ACSM3: variants seen among roughly 807,000 people sequenced by gnomAD.
ACSM3 encodes acyl-CoA synthetase medium chain family member 3.
A neutral mutation model predicts 74.1 loss-of-function variants in ACSM3; 61 were observed. The ratio of observed to expected loss-of-function variants is 0.82; its 90% CI spans 0.67 to 1.02. ACSM3 has a LOEUF of 1.02. Among genes scored for constraint, ACSM3 ranks in the 50% least tolerant of loss-of-function variants. ACSM3 has a pLI of 0.00. For missense variants in ACSM3, 660 were observed against 697.0 expected, an observed-to-expected ratio of 0.95 and a Z score of 0.60; for synonymous variants, 213 against 241.5, an observed-to-expected ratio of 0.88 and a Z score of 1.09.
At position 20,777,371 on chromosome 16, in the gene ACSM3, A is replaced by C. The variant is rs2080267706; in HGVS notation, c.431-2A>C. 6.2e-7 allele frequency: 1 copy of C among 1,612,818 alleles called. No homozygotes were observed. On this transcript the variant is annotated splice_acceptor_variant, in intron 3 of 13. Transcript: ENST00000289416. LOFTEE classifies it high-confidence loss of function. ...AACACTGTTTCTTTTCTGCCCCTTT[A>C]GGGACAGTTTTAATTCCAGGAACCA...
intron 1 of ACSM3, among the ~76,000 whole-genome samples, chr16:20,685,726 A>C (rs961876109): frequency 1.3e-5 from 2 of 149,946 alleles, no homozygotes; most frequent in African/African-American, 4.9e-5. Context: ...AGGCTGAGGT[A>C]GGAGAATTGC....
intron 9 of ACSM3, 63 bp downstream of exon 9, chr16:20,786,221 C>G (rs920264492): frequency 6.4e-7 from 1 of 1,560,730 alleles, no homozygotes; most frequent in South Asian, 1.2e-5. Flanking sequence ...CTACCTACCG[C>G]TTACCCCCAT....
chr16:20,791,273 G>A (rs533701490), intron 10 of ACSM3, among the ~76,000 whole-genome samples: 1 of 152,190 alleles, frequency 6.6e-6, no homozygotes, highest in African/African-American at 2.4e-5. Context: ...TTCTATTATT[G>A]TGTAAAACAA....
At chr16:20,792,838 G>A (rs2080632155) in intron 12 of ACSM3, 2 of 487,426 alleles carry the variant, frequency 4.1e-6, no homozygotes, top group South Asian at 8.8e-5. Context: ...GAATAACACA[G>A]GTGTCCTGAA....
At chr16:20,691,751 ATGTGTGTGTGTG>A (rs59929923) in intron 1 of ACSM3, among the ~76,000 whole-genome samples, 3,797 of 134,050 alleles carry the variant, frequency 0.028, 57 homozygotes, top group African/African-American at 0.034. Context: ...TACCTCTCCA[ATGTGTGTGTGTG>A]TGTGTGTGTG....
At chr16:20,721,109 C>T (rs1435433248) in intron 1 of ACSM3, 1 of 152,194 alleles carries the variant, frequency 6.6e-6, no homozygotes, top group Non-Finnish European at 1.5e-5. Context: ...ATGATGAGGT[C>T]TTTGGAGTAG....
intron 1 of ACSM3, among the ~76,000 whole-genome samples, chr16:20,693,620 C>G (rs1407711509): frequency 6.6e-6 from 1 of 152,168 alleles, no homozygotes; most frequent in Non-Finnish European, 1.5e-5. Context: ...TTTATTTCAA[C>G]TTGTTGTCAA....
chr16:20,694,368 G>A (rs2079678731), intron 1 of ACSM3, among the ~76,000 whole-genome samples: 1 of 152,180 alleles, frequency 6.6e-6, no homozygotes, highest in African/African-American at 2.4e-5. Context: ...GCCTTGCTGA[G>A]TAAATTAAAT....
intron 1 of ACSM3, chr16:20,682,377 T>C: frequency 6.2e-7 from 1 of 1,613,960 alleles, no homozygotes. Context: ...GCATCTATGG[T>C]CACAATGCCC....
chr16:20,753,904 A>G (rs1009499836), intron 2 of ACSM3, among the ~76,000 whole-genome samples: 1 of 152,102 alleles, frequency 6.6e-6, no homozygotes, highest in African/African-American at 2.4e-5. Context: ...GAAAGAAAAG[A>G]ATGAAAGAAA....
At chr16:20,683,661 T>TTTTTG (rs2079491151) in intron 1 of ACSM3, among the ~76,000 whole-genome samples, 1 of 137,302 alleles carries the variant, frequency 7.3e-6, no homozygotes, top group African/African-American at 2.6e-5. Context: ...TTTTTTTTTT[T>TTTTTG]GAGAGTCTTG....
At chr16:20,760,707 A>G (rs2080069909), upstream of ACSM3, among the ~76,000 whole-genome samples, 1 of 152,204 alleles carries the variant, frequency 6.6e-6, no homozygotes, top group South Asian at 2.1e-4. Flanking sequence ...TAACTTAAGT[A>G]TAACTCAAGT....
chr16:20,703,950 T>C (rs1009023387), intron 1 of ACSM3: 2 of 152,224 alleles, frequency 1.3e-5, no homozygotes, highest in Admixed American at 6.5e-5. Flanking sequence ...AAAGAGATAA[T>C]ATATACAAAC....
At chr16:20,731,650 T>C in intron 1 of ACSM3, 1 of 378,784 alleles carries the variant, frequency 2.6e-6, no homozygotes, top group Non-Finnish European at 4.8e-6. Context: ...CTTAGCTCCA[T>C]CCTGTAAGTC....
chr16:20,765,972 G>A (rs190979867), intron 1 of ACSM3, among the ~76,000 whole-genome samples: 356 of 152,240 alleles, frequency 2.3e-3, no homozygotes, highest in African/African-American at 8.2e-3. Flanking sequence ...ATGAGAGCAA[G>A]GAGGACCTTG....
intron 4 of ACSM3, among the ~76,000 whole-genome samples, chr16:20,778,319 T>C (rs572602602): frequency 5.3e-5 from 8 of 152,322 alleles, no homozygotes; most frequent in African/African-American, 1.7e-4. Context: ...GCAAAGTCCT[T>C]CTCTAGAATG....
rs2080740298 is a variant in ACSM3, at chr16:20,797,234, G to A, written c.*262G>A. 2 of 1,141,468 alleles carry A rather than the reference G, an allele frequency of 1.8e-6. No individual in the cohort carries two copies. Among genetic ancestry groups the A allele is most frequent in the African/African-American group, 3.3e-5 (2 of 60,788 alleles). The allele number at this position is 1,141,468 out of a possible 1,614,324, so 70.7% of individuals were successfully genotyped here. On this transcript the variant is annotated 3_prime_UTR_variant, in exon 14 of 14. Transcript: ENST00000289416. The stretch of plus-strand genomic sequence containing the variant: ...TTGCTGATTAATTTTTAAATGTATA[G>A]TATAGAAGCAGTTTCTGAACCAGAT...
intron 1 of ACSM3, chr16:20,727,302 G>T: frequency 1.8e-6 from 1 of 558,386 alleles, no homozygotes; most frequent in Non-Finnish European, 3.5e-6. Context: ...AAAGCACTCA[G>T]GTTCCTCTCA....
chr16:20,741,099 A>G (rs2079915320), intron 1 of ACSM3, among the ~76,000 whole-genome samples: 1 of 152,116 alleles, frequency 6.6e-6, no homozygotes, highest in African/African-American at 2.4e-5. Flanking sequence ...CCCCTTATCT[A>G]CAATTTACAA....
Sources: gnomAD v4.1 joint callset for allele counts (sites outside exome capture counted in the v4.1 genomes callset) on GRCh38, gnomAD v4.1.1 for gene constraint, MANE v1.5 for transcripts, NCBI Gene and HGNC (gene_info 2026-07-23, HGNC 2026-07-21) for gene names.